Variants in MEF2C observed in about 807,000 individuals in gnomAD.
MEF2C encodes the protein myocyte-specific enhancer factor 2C.
Under a neutral mutation model 50.5 loss-of-function variants are expected in MEF2C, and 6 were observed. That is an observed-to-expected ratio of 0.12 (90% confidence interval 0.07 to 0.23). The LOEUF is 0.23. Among genes scored for constraint, MEF2C ranks in the 10% least tolerant of loss-of-function variants. MEF2C has a pLI of 1.00. For missense variants in MEF2C, 276 were observed against 605.0 expected (o/e 0.46, Z 5.70); for synonymous variants, 183 against 228.0 (o/e 0.80, Z 1.78).
Position 88,735,965 on chromosome 5 carries a change from A to C in MEF2C, c.638-4064T>G, listed in dbSNP as rs151070744. The C allele has an allele frequency of 1.1e-3, 1,132 of 985,246 alleles. 11 individuals are homozygous for C. The African/African-American group carries it at 0.017, about 15-fold the overall frequency. The allele number at this position is 985,246 out of a possible 1,614,324, so 61.0% of individuals were successfully genotyped here. ...TCTAGGACTTTGAATTATGAATACAAGCATATAAGACTAATAAGCATAAAC... is the reference window on the plus strand; with the variant it reads ...TCTAGGACTTTGAATTATGAATACACGCATATAAGACTAATAAGCATAAAC... On this transcript the variant is annotated intron_variant, in intron 6 of 10. Transcript: ENST00000504921.
chr5:88,774,336 CTT>C (rs34650524), intron 3 of MEF2C, among the ~76,000 whole-genome samples: 2 of 144,462 alleles, frequency 1.4e-5, no homozygotes, highest in African/African-American at 2.5e-5. Context: ...GTTTCTACCT[CTT>C]TTTTTTTTTT....
intron 1 of MEF2C, among the ~76,000 whole-genome samples, chr5:88,849,739 T>C (rs1820605082): frequency 1.3e-5 from 2 of 152,160 alleles, no homozygotes; most frequent in Admixed American, 1.3e-4. Context: ...ATAATTTGAA[T>C]TGAAACCATT....
chr5:88,794,155 T>C (rs1250597093), intron 3 of MEF2C, among the ~76,000 whole-genome samples: 1 of 152,212 alleles, frequency 6.6e-6, no homozygotes, highest in African/African-American at 2.4e-5. Context: ...TTTGGGTATA[T>C]ACCCAGAAAT....
intron 2 of MEF2C, among the ~76,000 whole-genome samples, chr5:88,819,612 A>AC (rs1169031073): frequency 6.6e-6 from 1 of 151,842 alleles, no homozygotes. Context: ...CCTTTCTCCA[A>AC]CCCTGATGTA....
At chr5:88,773,132 T>C (rs1473430954) in intron 3 of MEF2C, among the ~76,000 whole-genome samples, 1 of 152,252 alleles carries the variant, frequency 6.6e-6, no homozygotes, top group Non-Finnish European at 1.5e-5. Context: ...GAGCAGAATC[T>C]TTGTCTTTTT....
intron 6 of MEF2C, chr5:88,732,388 C>T (rs2152289033): frequency 6.5e-6 from 1 of 153,474 alleles, no homozygotes; most frequent in South Asian, 2.1e-4. Context: ...GAGGGGAAGC[C>T]GCTTACACAT....
intron 2 of MEF2C, chr5:88,819,474 G>A (rs1026763583): frequency 2.8e-6 from 2 of 721,906 alleles, no homozygotes; most frequent in African/African-American, 3.9e-5. Flanking sequence ...AAGTCCCACT[G>A]ATCTTCCTTC....
At chr5:88,758,746 G>A (rs1776489643) in intron 4 of MEF2C, among the ~76,000 whole-genome samples, 1 of 152,156 alleles carries the variant, frequency 6.6e-6, no homozygotes. Context: ...TGGAGACTCT[G>A]TGGCATAGCT....
intron 2 of MEF2C, among the ~76,000 whole-genome samples, chr5:88,822,643 C>G (rs1808932082): frequency 6.6e-6 from 1 of 151,890 alleles, no homozygotes; most frequent in Non-Finnish European, 1.5e-5. Flanking sequence ...AACAACATTA[C>G]ATTTAAAAAA....
rs1787720429 is a variant in MEF2C, at chr5:88,780,987, G to A, written c.259-19659C>T. The A allele has an allele frequency of 6.2e-6, 6 of 968,952 alleles. No homozygotes were observed. In the South Asian group the frequency reaches 2.4e-4, roughly 38 times the overall value. 60.0% of individuals were successfully genotyped at this position (968,952 alleles called of 1,614,324 possible). A position where few individuals can be genotyped will look rare whatever the true frequency, so the allele number is the denominator to read the frequency against. ...TACCAGAGTTCACTAAGAGAACTTG[G>A]GCAAGCCCCTCTATTTGGCAGAGTT... On this transcript the variant is annotated intron_variant, in intron 3 of 10. Transcript: ENST00000504921.
At chr5:88,739,843 C>T (rs1765755856) in intron 6 of MEF2C, 2 of 985,232 alleles carry the variant, frequency 2.0e-6, no homozygotes, top group African/African-American at 3.5e-5. Flanking sequence ...TTTCAATATG[C>T]TTAATGTAGA....
intron 3 of MEF2C, among the ~76,000 whole-genome samples, chr5:88,792,678 T>G (rs1012357387): frequency 3.9e-5 from 6 of 152,164 alleles, no homozygotes; most frequent in Non-Finnish European, 8.8e-5. Flanking sequence ...ACTGAATGCT[T>G]GAAACATGAC....
intron 3 of MEF2C, chr5:88,780,864 T>C (rs1787647871): frequency 3.0e-6 from 3 of 985,370 alleles, no homozygotes; most frequent in Non-Finnish European, 1.2e-6. Context: ...TACATCTCTC[T>C]CGTTCTTTCA....
chr5:88,771,412 T>G, intron 3 of MEF2C: 1 of 985,074 alleles, frequency 1.0e-6, no homozygotes, highest in Non-Finnish European at 1.2e-6. Context: ...CCTAATGCCC[T>G]CACTTACTTG....
intron 1 of MEF2C, among the ~76,000 whole-genome samples, chr5:88,836,887 G>T (rs1356145217): frequency 6.6e-6 from 1 of 151,690 alleles, no homozygotes; most frequent in Non-Finnish European, 1.5e-5. Flanking sequence ...GCACTCTCGG[G>T]TGGAGGCAAG....
chr5:88,728,337 G>A (rs1162909256), intron 10 of MEF2C, among the ~76,000 whole-genome samples, 156 bp downstream of exon 10: 1 of 152,122 alleles, frequency 6.6e-6, no homozygotes, highest in African/African-American at 2.4e-5. Context: ...TAAGATTTAA[G>A]CTACTTGAAA....
At chr5:88,804,385 T>A (rs1799512556) in intron 3 of MEF2C, 1 of 519,890 alleles carries the variant, frequency 1.9e-6, no homozygotes, top group African/African-American at 1.9e-5. Flanking sequence ...AAAGACCAGA[T>A]CTTACATGGT....
At chr5:88,738,591 G>A (rs1459945346) in intron 6 of MEF2C, 3 of 983,800 alleles carry the variant, frequency 3.0e-6, no homozygotes, top group Non-Finnish European at 2.4e-6. Context: ...ATGCCCTGAA[G>A]TACAACACTA....
intron 1 of MEF2C, among the ~76,000 whole-genome samples, chr5:88,830,548 G>A (rs1301047111): frequency 6.6e-6 from 1 of 151,870 alleles, no homozygotes; most frequent in Admixed American, 6.6e-5. Context: ...ATTTTGTCTT[G>A]GACACTTTTT....
Sources: allele counts gnomAD v4.1 joint callset (sites outside exome capture counted in the v4.1 genomes callset), GRCh38; gene constraint gnomAD v4.1.1; transcripts MANE v1.5; gene names NCBI Gene and HGNC (gene_info 2026-07-23, HGNC 2026-07-21).